CALHM4: variants seen among roughly 807,000 people sequenced by gnomAD.
The protein encoded by CALHM4 is calcium homeostasis modulator protein 4.
Under a neutral mutation model 13.3 loss-of-function variants are expected in CALHM4, and 16 were observed. The ratio of observed to expected loss-of-function variants is 1.20; its 90% CI spans 0.81 to 1.82. The LOEUF is 1.82. Among genes scored for constraint, CALHM4 ranks in the 40% most tolerant of loss-of-function variants. The pLI, the probability that CALHM4 is intolerant of heterozygous loss-of-function variation, is 0.00. For synonymous variants in CALHM4, 127 were observed against 137.1 expected (o/e 0.93, Z 0.52); for missense variants, 344 against 374.9 (o/e 0.92, Z 0.68).
intron 2 of CALHM4, among the ~76,000 whole-genome samples, chr6:116,545,274 G>A (rs1019827440): frequency 1.3e-5 from 2 of 151,994 alleles, no homozygotes; most frequent in Non-Finnish European, 2.9e-5. Context: ...ACCTTAAAGT[G>A]TGTATAAAGA....
rs935549258 is a variant in CALHM4 at position 116,545,444 on chromosome 6, G to GA, written c.-1+1578dup. On this transcript the variant is annotated intron_variant, in intron 2 of 2. Transcript: ENST00000368597. ...TCAAGAAAACATTTTCTCTGAAGTA[G>GA]AAAAAATCTCTTTGTAGAAAGATCT... 163 of 1,530,056 alleles carry GA rather than the reference G, an allele frequency of 1.1e-4. No homozygotes were observed. In the Admixed American group the frequency reaches 3.0e-3, roughly 28 times the overall value. 94.8% of individuals were successfully genotyped at this position (1,530,056 alleles called of 1,614,324 possible).
In CALHM4 at chr6:116,553,878, G is replaced by A; in HGVS notation, c.85G>A (p.Gly29Ser). 1 of 1,550,582 alleles carries A rather than the reference G, an allele frequency of 6.4e-7. No individual in the cohort carries two copies. The highest frequency in any genetic ancestry group is 8.7e-7 in the Non-Finnish European group (1 of 1,146,990). Residue 29 changes from glycine (G) to serine (S), a missense_variant, in exon 1 of 2, where the codon GGT (glycine) becomes AGT (serine). Transcript: ENST00000368596. Reference sequence around the variant, plus strand: ...TTCTTTAATTGCAGCCTTGACTATTGGTGGGCAACAACTCTTCTCCTCTTC... The same window carrying A: ...TTCTTTAATTGCAGCCTTGACTATTAGTGGGCAACAACTCTTCTCCTCTTC... ...INSLIAALTI[G>S]GQQLFSSSTF...
At chr6:116,543,331 C>T in intron 1 of CALHM4, 1 of 1,549,664 alleles carries the variant, frequency 6.5e-7, no homozygotes, top group Non-Finnish European at 8.7e-7. Flanking sequence ...TTCACATCTT[C>T]ATCCTTCTCA....
In CALHM4 at chr6:116,559,060, A is replaced by T. The variant is rs913372861; in HGVS notation, c.*849A>T. ...CTCAAAATCCATTTGTGAAACCAAA[A>T]CTGCAGTCTGTACTTGTATATCCAT... On this transcript the variant is annotated 3_prime_UTR_variant, in exon 2 of 2. Transcript: ENST00000368596. Among the ~76,000 whole-genome samples, 11 of 152,192 alleles carry T rather than the reference A, an allele frequency of 7.2e-5. No homozygotes were observed. Among genetic ancestry groups the T allele is most frequent in the Admixed American group, 3.3e-4 (5 of 15,286 alleles).
intron 1 of CALHM4, among the ~76,000 whole-genome samples, chr6:116,530,260 T>C (rs72959198): frequency 0.023 from 3,463 of 152,252 alleles, 69 homozygotes; most frequent in Middle Eastern, 0.092. Flanking sequence ...GCCTAAGATA[T>C]GTTACTGTCT....
chr6:116,539,026 G>A lies in CALHM4; in HGVS notation c.-108-4739G>A, dbSNP rs76366707. Among the ~76,000 whole-genome samples, 9 of 152,138 alleles carry A rather than the reference G, an allele frequency of 5.9e-5. No individual in the cohort carries two copies. In the East Asian group the frequency reaches 1.7e-3, roughly 29 times the overall value. On this transcript the variant is annotated intron_variant, in intron 1 of 2. Transcript: ENST00000368597. Reference sequence around the variant, plus strand: ...GATGAATTTTGGCAAAGATCAAGAGGGAGTCATTCTCAAACCAATCTATCC... The same window carrying A: ...GATGAATTTTGGCAAAGATCAAGAGAGAGTCATTCTCAAACCAATCTATCC...
chr6:116,551,549 CTTT>C (rs369099846), upstream of CALHM4, among the ~76,000 whole-genome samples: 8 of 146,990 alleles, frequency 5.4e-5, no homozygotes, highest in East Asian at 1.2e-3. Context: ...TTGTTTTATC[CTTT>C]TTTTTTTGCT....
rs1258197017 is a variant in CALHM4 at position 116,559,065 on chromosome 6, A to C, written c.*854A>C. On this transcript the variant is annotated 3_prime_UTR_variant, in exon 2 of 2. Coordinates refer to ENST00000368596, the MANE Select transcript of CALHM4 (RefSeq NM_001366078.2). ...AATCCATTTGTGAAACCAAAACTGC[A>C]GTCTGTACTTGTATATCCATTATCT... Among the ~76,000 whole-genome samples the C allele has an allele frequency of 6.6e-6, 1 of 152,228 alleles. No individual in the cohort carries two copies. Among genetic ancestry groups the C allele is most frequent in the Non-Finnish European group, 1.5e-5 (1 of 68,028 alleles).
At chr6:116,531,854 A>C (rs1385638634) in intron 1 of CALHM4, among the ~76,000 whole-genome samples, 5 of 149,786 alleles carry the variant, frequency 3.3e-5, no homozygotes, top group African/African-American at 1.2e-4. Context: ...TATACAATTT[A>C]ATATAATTAA....
At chr6:116,550,017 TATATATATAC>T (rs1161075177), upstream of CALHM4, among the ~76,000 whole-genome samples, 267 of 69,194 alleles carry the variant, frequency 3.9e-3, no homozygotes, top group Non-Finnish European at 6.0e-3. Flanking sequence ...TATATATATA[TATATATATAC>T]ACACACACAC....
rs759993424 is a variant in CALHM4, at chr6:116,558,215, C to A, written c.*4C>A. ...AGGTATTGAATTAAAACCTTGATTACAGCACCTTTCATGAGTCAGGTTGCT... is the reference window on the plus strand; with the variant it reads ...AGGTATTGAATTAAAACCTTGATTAAAGCACCTTTCATGAGTCAGGTTGCT... On this transcript the variant is annotated 3_prime_UTR_variant, in exon 2 of 2. Transcript: ENST00000368596. 6.2e-7 allele frequency: 1 copy of A among 1,602,798 alleles called. No individual in the cohort carries two copies. The highest frequency in any genetic ancestry group is 1.7e-5 in the Admixed American group (1 of 59,688).
Position 116,558,223 on chromosome 6 carries a change from T to C in CALHM4, c.*12T>C. The C allele has an allele frequency of 1.3e-6, 2 of 1,596,878 alleles. No individual in the cohort carries two copies. The highest frequency in any genetic ancestry group is 1.7e-6 in the Non-Finnish European group (2 of 1,171,744). On this transcript the variant is annotated 3_prime_UTR_variant, in exon 2 of 2. Coordinates refer to ENST00000368596, the MANE Select transcript of CALHM4 (RefSeq NM_001366078.2). Reference sequence around the variant, plus strand: ...AATTAAAACCTTGATTACAGCACCTTTCATGAGTCAGGTTGCTTAGCAGAT... The same window carrying C: ...AATTAAAACCTTGATTACAGCACCTCTCATGAGTCAGGTTGCTTAGCAGAT...
chr6:116,551,017 C>T (rs562428402), upstream of CALHM4, among the ~76,000 whole-genome samples: 1 of 152,278 alleles, frequency 6.6e-6, no homozygotes, highest in Non-Finnish European at 1.5e-5. Flanking sequence ...AACCTCTGTG[C>T]CCCAAGGCCA....
chr6:116,539,742 C>G (rs922038650), intron 1 of CALHM4, among the ~76,000 whole-genome samples: 4 of 152,160 alleles, frequency 2.6e-5, no homozygotes, highest in African/African-American at 9.6e-5. Flanking sequence ...CCTGGAGACA[C>G]GCGTATCTTC....
At chr6:116,545,130 TATATAC>T (rs1164680862) in intron 2 of CALHM4, among the ~76,000 whole-genome samples, 1 of 150,888 alleles carries the variant, frequency 6.6e-6, no homozygotes, top group African/African-American at 2.4e-5. Context: ...TACATACATA[TATATAC>T]ATATACATAT....
chr6:116,554,367 T>C lies in CALHM4; in HGVS notation c.558+16T>C. On this transcript the variant is annotated intron_variant, in intron 1 of 1. Transcript: ENST00000368596. ...CCAGTCACAGGTAAGTTTTTAGAAT[T>C]TTTTTCCCTCTGCTATGTTATCCTA... The C allele has an allele frequency of 4.0e-6, 6 of 1,507,820 alleles. No individual in the cohort carries two copies. The highest frequency in any genetic ancestry group is 5.3e-6 in the Non-Finnish European group (6 of 1,130,720). 93.4% of individuals were successfully genotyped at this position (1,507,820 alleles called of 1,614,324 possible).
intron 1 of CALHM4, among the ~76,000 whole-genome samples, chr6:116,530,902 C>CATATATATATATAT (rs10557481): frequency 2.6e-5 from 2 of 76,484 alleles, no homozygotes; most frequent in Non-Finnish European, 4.8e-5. Context: ...AAGTGAGACT[C>CATATATATATATAT]ATATATATAT....
chr6:116,537,154 G>A (rs1407076), intron 1 of CALHM4, among the ~76,000 whole-genome samples: 26,021 of 152,128 alleles, frequency 0.17, 2,345 homozygotes, highest in East Asian at 0.35. Context: ...ACTAGAGAAG[G>A]GTGAAGGTGA....
chr6:116,529,264 C>T (rs1772550490), intron 1 of CALHM4: 1 of 152,278 alleles, frequency 6.6e-6, no homozygotes, highest in Non-Finnish European at 1.5e-5. Flanking sequence ...GGGTTTCCTA[C>T]TTCAATCTTT....
Sources: gnomAD v4.1 joint callset for allele counts (sites outside exome capture counted in the v4.1 genomes callset) on GRCh38, gnomAD v4.1.1 for gene constraint, MANE v1.5 for transcripts, NCBI Gene and HGNC (gene_info 2026-07-23, HGNC 2026-07-21) for gene names.